CLDN5: variants seen among roughly 807,000 people sequenced by gnomAD.
CLDN5 encodes claudin-5.
A neutral mutation model predicts 1.3 loss-of-function variants in CLDN5; 4 were observed. The observed-to-expected ratio is 3.07, with a 90% CI of 1.51 to 7.03. CLDN5 has a LOEUF of 7.03. Ranked by LOEUF, CLDN5 falls within the 30% of genes most tolerant of loss-of-function variation. The probability of loss-of-function intolerance (pLI) is 0.00; values close to 1 mark genes in which losing one functional copy is unlikely to be tolerated. For missense variants in CLDN5, 225 were observed against 303.5 expected (o/e 0.74, Z 1.92); for synonymous variants, 156 against 152.3 (o/e 1.02, Z -0.18).
At chr22:19,525,040 C>G (rs1295905488), upstream of CLDN5, 1 of 1,002,474 alleles carries the variant, frequency 1.0e-6, no homozygotes, top group Non-Finnish European at 1.2e-6. Flanking sequence ...AGCCTCACCC[C>G]CCATGCCACT....
Position 19,523,644 on chromosome 22 carries a change from C to A in CLDN5, c.612G>T (p.Arg204=). The A allele has an allele frequency of 6.2e-7, 1 of 1,602,228 alleles. No individual in the cohort carries two copies. ...CGTAGTCGCCGGTGGCCGTGGGCCGCCGCGGCGCTGAGTACTTCACGGGGA... is the reference window on the plus strand; with the variant it reads ...CGTAGTCGCCGGTGGCCGTGGGCCGACGCGGCGCTGAGTACTTCACGGGGA... ...LSFPVKYSAP[R]RPTATGDYDK... is the part of the protein sequence containing the mutation. Residue 204 remains arginine, a synonymous_variant, in exon 1 of 1, where the codon CGG becomes CGT. Transcript: ENST00000618236.
Position 19,523,658 on chromosome 22 carries a change from A to G in CLDN5, c.598T>C (p.Tyr200His). The stretch of plus-strand genomic sequence containing the variant: ...GCCGTGGGCCGCCGCGGCGCTGAGT[A>G]CTTCACGGGGAAGCTGAGGTCGGGA... ...GRPDLSFPVKYSAPRRPTATG... is the reference protein window; with the variant it reads ...GRPDLSFPVKHSAPRRPTATG... The change falls in exon 1 of 1, where the codon TAC (tyrosine) becomes CAC (histidine). Residue 200 changes from tyrosine (Y) to histidine (H), a missense_variant. By Grantham distance (83) the Tyr-to-His change is moderately conservative. Coordinates refer to ENST00000618236, the MANE Select transcript of CLDN5 (RefSeq NM_001363066.2). The G allele has an allele frequency of 6.2e-7, 1 of 1,606,610 alleles. No individual in the cohort carries two copies. Among genetic ancestry groups the G allele is most frequent in the Middle Eastern group, 1.7e-4 (1 of 5,966 alleles).
upstream of CLDN5, chr22:19,524,701 G>A (rs1297335862): frequency 4.6e-6 from 6 of 1,300,050 alleles, no homozygotes; most frequent in East Asian, 3.1e-5. Context: ...CTCCCTGCGC[G>A]TCCCGGCCCC....
chr22:19,523,283 G>C lies in CLDN5; in HGVS notation c.*316C>G. 1 of 341,954 alleles carries C rather than the reference G, an allele frequency of 2.9e-6. No individual in the cohort carries two copies. Among genetic ancestry groups the C allele is most frequent in the Non-Finnish European group, 5.3e-6 (1 of 189,752 alleles). 21.2% of individuals were successfully genotyped at this position (341,954 alleles called of 1,614,324 possible). A position where few individuals can be genotyped will look rare whatever the true frequency, so the allele number is the denominator to read the frequency against. ...CTCTGGGAAGTAAGGCAGCAGCCAAGACCCCCAGCGTCTTGGAGGGGAAGC... is the reference window on the plus strand; with the variant it reads ...CTCTGGGAAGTAAGGCAGCAGCCAACACCCCCAGCGTCTTGGAGGGGAAGC... On this transcript the variant is annotated 3_prime_UTR_variant, in exon 1 of 1. Transcript: ENST00000618236.
At position 19,523,641 on chromosome 22, in the gene CLDN5, C is replaced by T; in HGVS notation, c.615G>A (p.Arg205=). 3.1e-6 allele frequency: 5 copies of T among 1,601,072 alleles called. No homozygotes were observed. The highest frequency in any genetic ancestry group is 4.3e-6 in the Non-Finnish European group (5 of 1,176,200). Residue 205 remains arginine (R), a synonymous_variant, in exon 1 of 1, where the codon CGG becomes CGA. Coordinates refer to ENST00000618236, the MANE Select transcript of CLDN5 (RefSeq NM_001363066.2). ...SFPVKYSAPR[R]PTATGDYDKK... ...TGTCGTAGTCGCCGGTGGCCGTGGG[C>T]CGCCGCGGCGCTGAGTACTTCACGG...
At position 19,524,258 on chromosome 22, in the gene CLDN5, C is replaced by G. The variant is rs1934178349; in HGVS notation, c.-3G>C. 6.4e-7 allele frequency: 1 copy of G among 1,568,370 alleles called. No individual in the cohort carries two copies. Among genetic ancestry groups the G allele is most frequent in the African/African-American group, 1.4e-5 (1 of 73,712 alleles). ...ATCTCCAACGCTGCGGACCCCATGG[C>G]TAGAGGCGAGACGCGCACCCGAAGG... On this transcript the variant is annotated 5_prime_UTR_variant, in exon 1 of 1. Coordinates refer to ENST00000618236, the MANE Select transcript of CLDN5 (RefSeq NM_001363066.2).
Position 19,523,718 on chromosome 22 carries a change from G to A in CLDN5, c.538C>T (p.Leu180Phe). 4 of 1,606,770 alleles carry A rather than the reference G, an allele frequency of 2.5e-6. No individual in the cohort carries two copies. The highest frequency in any genetic ancestry group is 3.4e-6 in the Non-Finnish European group (4 of 1,178,360). Residue 180 changes from leucine to phenylalanine, a missense_variant, in exon 1 of 1, where the codon CTC (leucine) becomes TTC (phenylalanine). Transcript: ENST00000618236. ...ATALLMVGGC[L>F]LCCGAWVCTG... The stretch of plus-strand genomic sequence containing the variant: ...CAGACCCAGGCGCCGCAGCACAAGA[G>A]GCAGCCGCCTACCATGAGCAGCGCG...
chr22:19,523,639 G>T lies in CLDN5; in HGVS notation c.617C>A (p.Pro206His). The T allele has an allele frequency of 6.2e-7, 1 of 1,601,040 alleles. No individual in the cohort carries two copies. The part of the protein sequence containing the change: ...FPVKYSAPRR[P>H]TATGDYDKKN... The stretch of plus-strand genomic sequence containing the variant: ...CTTGTCGTAGTCGCCGGTGGCCGTG[G>T]GCCGCCGCGGCGCTGAGTACTTCAC... The change falls in exon 1 of 1, where the codon CCC becomes CAC. Residue 206 changes from proline (P) to histidine (H), a missense_variant. Physicochemically the swap from Pro to His is moderately conservative, Grantham distance 77. Coordinates refer to ENST00000618236, the MANE Select transcript of CLDN5 (RefSeq NM_001363066.2).
chr22:19,523,997 C>A lies in CLDN5; in HGVS notation c.259G>T (p.Ala87Ser). 6.3e-7 allele frequency: 1 copy of A among 1,589,570 alleles called. No individual in the cohort carries two copies. The highest frequency in any genetic ancestry group is 8.5e-7 in the Non-Finnish European group (1 of 1,174,182). The change falls in exon 1 of 1, where the codon GCC becomes TCC. Residue 87 changes from alanine (A) to serine (S), a missense_variant. Physicochemically the swap from Ala to Ser is moderately conservative, Grantham distance 99. Transcript: ENST00000618236. ...AGCGCAACGAACGCCAGCAGCACGG[C>A]GCTCACGGTGAGCGCCCGCGCCGCC... ...VQAARALTVSAVLLAFVALFV... is the reference protein window; with the variant it reads ...VQAARALTVSSVLLAFVALFV...
upstream of CLDN5, chr22:19,524,830 A>C: frequency 2.5e-6 from 3 of 1,176,798 alleles, no homozygotes; most frequent in Non-Finnish European, 3.2e-6. Flanking sequence ...CAAGGTTTGC[A>C]GAAGCCCCCC....
At chr22:19,524,458 G>T (rs941543134), upstream of CLDN5, 41 of 1,434,468 alleles carry the variant, frequency 2.9e-5, 1 homozygote, top group African/African-American at 6.1e-4. Flanking sequence ...GGCGGATTCT[G>T]TCCCCCGGGC....
rs773274048 is a variant in CLDN5 at position 19,523,616 on chromosome 22, T to G, written c.640A>C (p.Lys214Gln). 2 of 1,596,298 alleles carry G rather than the reference T, an allele frequency of 1.3e-6. No homozygotes were observed. The highest frequency in any genetic ancestry group is 2.2e-5 in the South Asian group (2 of 90,554). The part of the protein sequence containing the change: ...RRPTATGDYD[K>Q]KNYV ...CAGCGCCCTCAGACGTAGTTCTTCT[T>G]GTCGTAGTCGCCGGTGGCCGTGGGC... The change falls in exon 1 of 1, where the codon AAG becomes CAG. Residue 214 changes from lysine (K) to glutamine (Q), a missense_variant. By Grantham distance (53) the Lys-to-Gln change is moderately conservative (BLOSUM62 1). Transcript: ENST00000618236.
At chr22:19,524,826 T>G, upstream of CLDN5, 1 of 1,181,374 alleles carries the variant, frequency 8.5e-7, no homozygotes, top group Non-Finnish European at 1.1e-6. Context: ...TGACCAAGGT[T>G]TGCAGAAGCC....
In CLDN5 at chr22:19,524,345, C is replaced by T. The variant is rs11551254; in HGVS notation, c.-90G>A. ...TGGGCGGGCCCTGGTGCCTTTGCGC[C>T]CGCGCTCCCGGCTCTTGGCCCCAGT... is the stretch of plus-strand genomic sequence containing the variant. On this transcript the variant is annotated 5_prime_UTR_variant, in exon 1 of 1. Transcript: ENST00000618236. 2 of 1,484,738 alleles carry T rather than the reference C, an allele frequency of 1.3e-6. No homozygotes were observed. The highest frequency in any genetic ancestry group is 1.8e-6 in the Non-Finnish European group (2 of 1,116,464). 92.0% of individuals were successfully genotyped at this position (1,484,738 alleles called of 1,614,324 possible).
At chr22:19,524,457 T>C, upstream of CLDN5, 2 of 1,433,260 alleles carry the variant, frequency 1.4e-6, no homozygotes, top group Non-Finnish European at 1.8e-6. Flanking sequence ...GGGCGGATTC[T>C]GTCCCCCGGG....
chr22:19,524,644 C>T (rs1934192686), upstream of CLDN5: 1 of 1,342,200 alleles, frequency 7.5e-7, no homozygotes, highest in Non-Finnish European at 9.6e-7. Flanking sequence ...GTCCTAGTCG[C>T]GGCCGAGCGC....
In CLDN5 at chr22:19,523,585, C is replaced by A; in HGVS notation, c.*14G>T. The A allele has an allele frequency of 6.4e-7, 1 of 1,555,890 alleles. No individual in the cohort carries two copies. Among genetic ancestry groups the A allele is most frequent in the South Asian group, 1.2e-5 (1 of 84,146 alleles). On this transcript the variant is annotated 3_prime_UTR_variant, in exon 1 of 1. Transcript: ENST00000618236. Reference sequence around the variant, plus strand: ...GCGTGGCTGGCAGGAGGGGCCCGGCCGTGCCCAGCGCCCTCAGACGTAGTT... The same window carrying A: ...GCGTGGCTGGCAGGAGGGGCCCGGCAGTGCCCAGCGCCCTCAGACGTAGTT...
At position 19,524,158 on chromosome 22, in the gene CLDN5, G is replaced by C. The variant is rs759065120; in HGVS notation, c.98C>G (p.Thr33Ser). ...LACGLPMWQV[T>S]AFLDHNIVTA... The stretch of plus-strand genomic sequence containing the variant: ...CACGATGTTGTGGTCCAGGAAGGCG[G>C]TCACCTGCCACATGGGCAGCCCGCA... The change falls in exon 1 of 1, where the codon ACC becomes AGC. Residue 33 changes from threonine to serine, a missense_variant. This residue lies in a region of CLDN5 where 41 missense variants were observed against 40.5 expected (regional missense o/e 1.01). Coordinates refer to ENST00000618236, the MANE Select transcript of CLDN5 (RefSeq NM_001363066.2). 6.2e-7 allele frequency: 1 copy of C among 1,610,142 alleles called. No individual in the cohort carries two copies. Among genetic ancestry groups the C allele is most frequent in the Non-Finnish European group, 8.5e-7 (1 of 1,179,508 alleles).
Position 19,523,697 on chromosome 22 carries a change from C to A in CLDN5, c.559G>T (p.Val187Phe), listed in dbSNP as rs755562898. 4.4e-6 allele frequency: 7 copies of A among 1,607,928 alleles called. No individual in the cohort carries two copies. The highest frequency in any genetic ancestry group is 5.9e-6 in the Non-Finnish European group (7 of 1,179,218). Residue 187 changes from valine to phenylalanine, a missense_variant, in exon 1 of 1, where the codon GTC becomes TTC. Transcript: ENST00000618236. Reference protein sequence around the residue: ...GGCLLCCGAWVCTGRPDLSFP... With the variant: ...GGCLLCCGAWFCTGRPDLSFP... ...CTGAGGTCGGGACGGCCGGTGCAGA[C>A]CCAGGCGCCGCAGCACAAGAGGCAG... is the stretch of plus-strand genomic sequence containing the variant.
Sources: gnomAD v4.1 joint callset for allele counts on GRCh38, gnomAD v4.1.1 for gene constraint, gnomAD v4.1.1 regional missense constraint, MANE v1.5 for transcripts, NCBI Gene and HGNC (gene_info 2026-07-23, HGNC 2026-07-21) for gene names.